Variants in MPV17L observed in about 807,000 individuals in gnomAD.
MPV17L encodes mpv17-like protein.
In MPV17L, 24 loss-of-function variants were observed where a neutral mutation model predicts 25.8. That is an observed-to-expected ratio of 0.93 (90% CI 0.67 to 1.31). The LOEUF (loss-of-function observed/expected upper bound fraction) is 1.31, where lower values mean the gene tolerates loss of function less well. Ranked by LOEUF, MPV17L falls within the 50% of genes most tolerant of loss-of-function variation. MPV17L has a pLI of 0.00. For synonymous variants in MPV17L, 102 were observed against 115.3 expected, an observed-to-expected ratio of 0.88 and a Z score of 0.74; for missense variants, 250 against 265.6, an observed-to-expected ratio of 0.94 and a Z score of 0.41.
chr16:15,412,769 T>G lies in MPV17L; in HGVS notation c.*4657T>G, dbSNP rs908148134. ...TTTTTTTTTTGGATTTTTAGTAGAG[T>G]CGGGGTTTCACTGTGTTAGCCAGGA... is the stretch of plus-strand genomic sequence containing the variant. On this transcript the variant is annotated 3_prime_UTR_variant, in exon 4 of 4. Transcript: ENST00000396385. 6.7e-6 allele frequency: 1 copy of G among 148,412 alleles called. No individual in the cohort carries two copies. Among genetic ancestry groups the G allele is most frequent in the Non-Finnish European group, 1.5e-5 (1 of 67,134 alleles). The allele number at this position is 148,412 out of a possible 1,614,324, so 9.2% of individuals were successfully genotyped here.
chr16:15,403,671 C>CA (rs201912807), intron 2 of MPV17L, among the ~76,000 whole-genome samples: 26,310 of 98,140 alleles, frequency 0.27, 2,593 homozygotes, highest in East Asian at 0.46. Flanking sequence ...GACCATGGTT[C>CA]AAAAAAAAAA....
intron 1 of MPV17L, chr16:15,399,440 C>T: frequency 2.2e-6 from 1 of 453,184 alleles, no homozygotes; most frequent in Non-Finnish European, 4.4e-6. Flanking sequence ...GGGTCTCACT[C>T]TATTCCCCAG....
chr16:15,405,480 G>A (rs1486363767), intron 2 of MPV17L, among the ~76,000 whole-genome samples: 16 of 146,748 alleles, frequency 1.1e-4, no homozygotes, highest in African/African-American at 3.3e-4. Flanking sequence ...ACAGAGTCTC[G>A]TTCTGTTGCC....
intron 2 of MPV17L, among the ~76,000 whole-genome samples, chr16:15,406,301 T>A (rs987794571): frequency 2.0e-5 from 3 of 151,930 alleles, no homozygotes; most frequent in African/African-American, 7.3e-5. Context: ...TAAACATAAA[T>A]ATTATAAAGC....
chr16:15,396,521 C>G (rs1056142382), intron 1 of MPV17L, among the ~76,000 whole-genome samples: 1 of 152,074 alleles, frequency 6.6e-6, no homozygotes, highest in Non-Finnish European at 1.5e-5. Context: ...GGGTGTAGAC[C>G]AAGGCTGGAG....
chr16:15,401,928 C>A (rs1209430567), intron 2 of MPV17L, among the ~76,000 whole-genome samples: 2 of 152,254 alleles, frequency 1.3e-5, no homozygotes, highest in African/African-American at 4.8e-5. Context: ...TCACAATTTA[C>A]TTTGTAAATT....
rs2050749601 is a variant in MPV17L at position 15,413,119 on chromosome 16, T to C, written c.*5007T>C. ...AATATATTCTGGAGGCAGCTTTCAT[T>C]TGAAATTAGGTTCATCTTCTGAGAG... On this transcript the variant is annotated 3_prime_UTR_variant, in exon 4 of 4. Coordinates refer to ENST00000396385, the MANE Select transcript of MPV17L (RefSeq NM_001128423.2). 1 of 152,194 alleles carries C rather than the reference T, an allele frequency of 6.6e-6. No homozygotes were observed. The highest frequency in any genetic ancestry group is 2.4e-5 in the African/African-American group (1 of 41,458). The allele number at this position is 152,194 out of a possible 1,614,324, so 9.4% of individuals were successfully genotyped here.
At chr16:15,399,013 T>A (rs2050611443) in intron 1 of MPV17L, among the ~76,000 whole-genome samples, 2 of 152,038 alleles carry the variant, frequency 1.3e-5, no homozygotes, top group African/African-American at 4.8e-5. Flanking sequence ...AATCAATTGA[T>A]CTTTGTGCTG....
rs2050748556 is a variant in MPV17L, at chr16:15,413,039, T to C, written c.*4927T>C. On this transcript the variant is annotated 3_prime_UTR_variant, in exon 4 of 4. Transcript: ENST00000396385. ...TTACTTTTAGTACAGTAAAATGTTA[T>C]GTGAATTTCTACAGAATGTTTGCTA... 6.6e-6 allele frequency: 1 copy of C among 152,236 alleles called. No homozygotes were observed. The highest frequency in any genetic ancestry group is 1.5e-5 in the Non-Finnish European group (1 of 68,052). The allele number at this position is 152,236 out of a possible 1,614,324, so 9.4% of individuals were successfully genotyped here. A position where few individuals can be genotyped will look rare whatever the true frequency, so the allele number is the denominator to read the frequency against.
chr16:15,400,292 C>T lies in MPV17L; in HGVS notation c.311-495C>T, dbSNP rs572288753. The stretch of plus-strand genomic sequence containing the variant: ...TTTTTATACTCTGCTATTCTCACTT[C>T]GTATTTATCATTCCTTTAAAATTTA... On this transcript the variant is annotated intron_variant, in intron 1 of 3. Transcript: ENST00000396385. Among the ~76,000 whole-genome samples, 36 of 150,104 alleles carry T rather than the reference C, an allele frequency of 2.4e-4. 2 individuals are homozygous for T. The South Asian group carries it at 5.5e-3, about 23-fold the overall frequency.
At chr16:15,396,443 T>C (rs1043003986) in intron 1 of MPV17L, among the ~76,000 whole-genome samples, 2 of 152,104 alleles carry the variant, frequency 1.3e-5, no homozygotes, top group East Asian at 1.9e-4. Context: ...AGCCGAGAAA[T>C]TGGGGAGCCA....
intron 2 of MPV17L, among the ~76,000 whole-genome samples, chr16:15,403,014 G>C (rs1271938136): frequency 1.3e-5 from 2 of 149,526 alleles, no homozygotes; most frequent in Non-Finnish European, 3.0e-5. Context: ...AAAGGAACAA[G>C]TTTTTCCATT....
At position 15,395,850 on chromosome 16, in the gene MPV17L, A is replaced by T. The variant is rs1428284635; in HGVS notation, c.-48A>T. On this transcript the variant is annotated 5_prime_UTR_variant, in exon 1 of 4. In the 5' UTR this introduces an upstream ATG that the reference lacks. Coordinates refer to ENST00000396385, the MANE Select transcript of MPV17L (RefSeq NM_001128423.2). ...GGGGAGGCCCGGACCCGGTGCAGGA[A>T]GACGCCGACCACGCGGGCTCCTGAT... is the stretch of plus-strand genomic sequence containing the variant. The T allele has an allele frequency of 2.9e-6, 4 of 1,367,518 alleles. No individual in the cohort carries two copies. Among genetic ancestry groups the T allele is most frequent in the Admixed American group, 4.0e-5 (1 of 24,944 alleles). The allele number at this position is 1,367,518 out of a possible 1,614,324, so 84.7% of individuals were successfully genotyped here. A position where few individuals can be genotyped will look rare whatever the true frequency, so the allele number is the denominator to read the frequency against.
Position 15,409,472 on chromosome 16 carries a change from A to T in MPV17L, c.*1360A>T, listed in dbSNP as rs967245526. The T allele has an allele frequency of 6.6e-6, 1 of 152,072 alleles. No homozygotes were observed. The highest frequency in any genetic ancestry group is 2.4e-5 in the African/African-American group (1 of 41,404). 9.4% of individuals were successfully genotyped at this position (152,072 alleles called of 1,614,324 possible). A position where few individuals can be genotyped will look rare whatever the true frequency, so the allele number is the denominator to read the frequency against. ...ACCCTAACTGATCAATGTACTTTGT[A>T]ATCCTCCCACCCTTAAGAAGGTTCT... On this transcript the variant is annotated 3_prime_UTR_variant, in exon 4 of 4. Transcript: ENST00000396385.
intron 1 of MPV17L, among the ~76,000 whole-genome samples, chr16:15,400,045 C>A (rs1301006044): frequency 6.6e-6 from 1 of 152,176 alleles, no homozygotes; most frequent in Admixed American, 6.6e-5. Context: ...CTCAGGTGAT[C>A]TGCCAGATCA....
Position 15,412,582 on chromosome 16 carries a change from T to G in MPV17L, c.*4470T>G, listed in dbSNP as rs2050742373. On this transcript the variant is annotated 3_prime_UTR_variant, in exon 4 of 4. Transcript: ENST00000396385. ...AGAGATTATCTGGAACTGCAATTTTTTTTTTTTTTTTGAGACAGAGTTTCG... is the reference window on the plus strand; with the variant it reads ...AGAGATTATCTGGAACTGCAATTTTGTTTTTTTTTTTGAGACAGAGTTTCG... 1 of 151,780 alleles carries G rather than the reference T, an allele frequency of 6.6e-6. No individual in the cohort carries two copies. Among genetic ancestry groups the G allele is most frequent in the African/African-American group, 2.4e-5 (1 of 41,342 alleles). 9.4% of individuals were successfully genotyped at this position (151,780 alleles called of 1,614,324 possible).
At chr16:15,406,447 G>T (rs1327345797) in intron 2 of MPV17L, among the ~76,000 whole-genome samples, 1 of 151,904 alleles carries the variant, frequency 6.6e-6, no homozygotes, top group African/African-American at 2.4e-5. Context: ...TACATACCAA[G>T]ACTTTTTTTT....
At chr16:15,399,937 T>G (rs539112079) in intron 1 of MPV17L, among the ~76,000 whole-genome samples, 7 of 152,184 alleles carry the variant, frequency 4.6e-5, no homozygotes, top group African/African-American at 1.7e-4. Flanking sequence ...CTCAAGAACC[T>G]GGAATTACAG....
In MPV17L at chr16:15,408,080, A is replaced by G. The variant is rs565069445; in HGVS notation, c.559A>G (p.Thr187Ala). 14 of 1,609,920 alleles carry G rather than the reference A, an allele frequency of 8.7e-6. 1 individual carries two copies. In the East Asian group the frequency reaches 3.1e-4, roughly 36 times the overall value. ...TTTCACCATTTTATATACAAAGGGG[A>G]CCAGTGCCACAGAAGGGTACCCGAA... Reference protein sequence around the residue: ...SAFTILYTKGTSATEGYPKK With the variant: ...SAFTILYTKGASATEGYPKK The change falls in exon 4 of 4, where the codon ACC (threonine) becomes GCC (alanine). Residue 187 changes from threonine (T) to alanine (A), a missense_variant. Coordinates refer to ENST00000396385, the MANE Select transcript of MPV17L (RefSeq NM_001128423.2).
Sources: allele counts gnomAD v4.1 joint callset (sites outside exome capture counted in the v4.1 genomes callset), GRCh38; gene constraint gnomAD v4.1.1; transcripts MANE v1.5; gene names NCBI Gene and HGNC (gene_info 2026-07-23, HGNC 2026-07-21).